EPHA3: variants seen among roughly 807,000 people sequenced by gnomAD.
EPHA3 encodes EPH receptor A3.
Under a neutral mutation model 107.1 loss-of-function variants are expected in EPHA3, and 42 were observed. The ratio of observed to expected loss-of-function variants is 0.39; its 90% CI spans 0.31 to 0.51. EPHA3 has a LOEUF of 0.51. Among genes scored for constraint, EPHA3 ranks in the 20% least tolerant of loss-of-function variants. The pLI is 0.78. For synonymous variants in EPHA3, 461 were observed against 424.8 expected, an observed-to-expected ratio of 1.09 and a Z score of -1.05; for missense variants, 1,183 against 1,211.2, an observed-to-expected ratio of 0.98 and a Z score of 0.35.
intron 3 of EPHA3, among the ~76,000 whole-genome samples, chr3:89,340,013 G>T (rs1204902302): frequency 6.6e-6 from 1 of 152,128 alleles, no homozygotes; most frequent in Admixed American, 6.5e-5. Context: ...TTATAAAAAT[G>T]CATCAAAAGA....
chr3:89,395,014 T>A (rs1475670323), intron 5 of EPHA3, among the ~76,000 whole-genome samples: 2 of 152,188 alleles, frequency 1.3e-5, no homozygotes, highest in Non-Finnish European at 2.9e-5. Flanking sequence ...CTTAAAATAT[T>A]TTTAATCTTC....
chr3:89,327,703 A>G (rs539777923), intron 3 of EPHA3, among the ~76,000 whole-genome samples: 51 of 152,200 alleles, frequency 3.4e-4, no homozygotes, highest in Non-Finnish European at 5.6e-4. Context: ...AAGTGCATCA[A>G]TATACCCCTG....
At chr3:89,142,707 AAAG>A (rs1412264990) in intron 2 of EPHA3, among the ~76,000 whole-genome samples, 11 of 151,610 alleles carry the variant, frequency 7.3e-5, no homozygotes, top group South Asian at 4.1e-4. Context: ...TGCACCAAAA[AAAG>A]AAGATTTTTA....
At chr3:89,110,448 A>G (rs1707076842) in intron 1 of EPHA3, among the ~76,000 whole-genome samples, 1 of 151,844 alleles carries the variant, frequency 6.6e-6, no homozygotes, top group African/African-American at 2.4e-5. Flanking sequence ...TTTAATCTGA[A>G]TTTTCCTTCT....
At chr3:89,308,806 C>G (rs1706693516) in intron 3 of EPHA3, among the ~76,000 whole-genome samples, 1 of 151,910 alleles carries the variant, frequency 6.6e-6, no homozygotes, top group Non-Finnish European at 1.5e-5. Flanking sequence ...ACTCGGTAAT[C>G]TTTTGTAGAT....
At chr3:89,221,928 G>T (rs35445148) in intron 3 of EPHA3, among the ~76,000 whole-genome samples, 17,436 of 152,102 alleles carry the variant, frequency 0.11, 1,028 homozygotes, top group Middle Eastern at 0.18. Flanking sequence ...AAAAAGATTG[G>T]CAATGGTGGT....
chr3:89,307,484 C>T (rs1706651762), intron 3 of EPHA3, among the ~76,000 whole-genome samples: 1 of 152,116 alleles, frequency 6.6e-6, no homozygotes, highest in Non-Finnish European at 1.5e-5. Flanking sequence ...AGAGGCTAAC[C>T]ACATACAAAT....
chr3:89,428,429 A>AT (rs1472386456), intron 11 of EPHA3, among the ~76,000 whole-genome samples: 1 of 152,112 alleles, frequency 6.6e-6, no homozygotes, highest in East Asian at 1.9e-4. Flanking sequence ...GTTTCATGGT[A>AT]TTTTAGGCTA....
intron 2 of EPHA3, among the ~76,000 whole-genome samples, chr3:89,132,056 A>G (rs1704218100): frequency 6.6e-6 from 1 of 152,214 alleles, no homozygotes; most frequent in South Asian, 2.1e-4. Context: ...AGTAAAGCCA[A>G]TGAGACTGGT....
chr3:89,132,225 A>G (rs192286854), intron 2 of EPHA3, among the ~76,000 whole-genome samples: 79 of 152,316 alleles, frequency 5.2e-4, no homozygotes, highest in Admixed American at 2.5e-3. Flanking sequence ...TGAGCATAAG[A>G]GAAGCCAGCA....
chr3:89,173,003 A>C (rs1705241568), intron 2 of EPHA3, among the ~76,000 whole-genome samples: 1 of 152,190 alleles, frequency 6.6e-6, no homozygotes, highest in Admixed American at 6.5e-5. Flanking sequence ...ATATTCAAAA[A>C]AGTTAATATT....
intron 3 of EPHA3, among the ~76,000 whole-genome samples, chr3:89,300,521 ATTACTTAGTACATGCTATG>A (rs912296136): frequency 6.6e-6 from 1 of 152,002 alleles, no homozygotes; most frequent in African/African-American, 2.4e-5. Context: ...GGGGGACTGA[ATTACTTAGTACATGCTATG>A]TTACAGACAC....
At chr3:89,354,193 G>A (rs919056513) in intron 5 of EPHA3, among the ~76,000 whole-genome samples, 3 of 150,994 alleles carry the variant, frequency 2.0e-5, no homozygotes, top group South Asian at 2.1e-4. Context: ...TACTTTAAAT[G>A]TGTTCTACCT....
intron 3 of EPHA3, among the ~76,000 whole-genome samples, chr3:89,261,675 A>T (rs1209779385): frequency 6.6e-6 from 1 of 152,142 alleles, no homozygotes; most frequent in Non-Finnish European, 1.5e-5. Flanking sequence ...ATGTACCCAG[A>T]AAATAATTAT....
chr3:89,218,813 T>TAA (rs1316116463), intron 3 of EPHA3, among the ~76,000 whole-genome samples: 1 of 152,152 alleles, frequency 6.6e-6, no homozygotes, highest in Non-Finnish European at 1.5e-5. Context: ...TAGCAATCAT[T>TAA]AAAAAGTCAG....
In EPHA3 at chr3:89,407,976, G is replaced by A. The variant is rs971564599; in HGVS notation, c.1698-91G>A. On this transcript the variant is annotated intron_variant, in intron 8 of 16. Transcript: ENST00000336596. Reference sequence around the variant, plus strand: ...AAGCATTTAATTGTTTGAGGAAAATGTTTTATTTTTATGCTTTGCACATTC... The same window carrying A: ...AAGCATTTAATTGTTTGAGGAAAATATTTTATTTTTATGCTTTGCACATTC... The A allele has an allele frequency of 3.0e-5, 37 of 1,221,356 alleles. No homozygotes were observed. The African/African-American group carries it at 5.3e-4, about 17-fold the overall frequency. 75.7% of individuals were successfully genotyped at this position (1,221,356 alleles called of 1,614,324 possible).
At chr3:89,250,536 CA>C (rs138045118) in intron 3 of EPHA3, among the ~76,000 whole-genome samples, 1,829 of 152,042 alleles carry the variant, frequency 0.012, 40 homozygotes, top group African/African-American at 0.041. Context: ...TATAATATAC[CA>C]AATTCTTAAA....
intron 13 of EPHA3, among the ~76,000 whole-genome samples, chr3:89,446,320 A>G (rs1378718260): frequency 6.6e-6 from 1 of 152,162 alleles, no homozygotes; most frequent in East Asian, 1.9e-4. Context: ...CTCCAACATT[A>G]TTATGTCTGT....
intron 2 of EPHA3, among the ~76,000 whole-genome samples, chr3:89,161,273 A>G (rs56265514): frequency 0.014 from 2,101 of 152,326 alleles, 49 homozygotes; most frequent in African/African-American, 0.047. Flanking sequence ...TTCAAAAATT[A>G]TAGAAGAAAT....
Sources: gnomAD v4.1 joint callset for allele counts (sites outside exome capture counted in the v4.1 genomes callset) on GRCh38, gnomAD v4.1.1 for gene constraint, MANE v1.5 for transcripts, NCBI Gene and HGNC (gene_info 2026-07-23, HGNC 2026-07-21) for gene names.